LETM1: variants seen among roughly 807,000 people sequenced by gnomAD.
The protein encoded by LETM1 is leucine zipper and EF-hand containing transmembrane protein 1.
In LETM1, 50 loss-of-function variants were observed where a neutral mutation model predicts 74.5. The ratio of observed to expected loss-of-function variants is 0.67; its 90% CI spans 0.53 to 0.85. LETM1 has a LOEUF of 0.85. Ranked by LOEUF, LETM1 falls within the 40% of genes least tolerant of loss-of-function variation. The pLI is 0.00. For missense variants in LETM1, 824 were observed against 967.8 expected, an observed-to-expected ratio of 0.85 and a Z score of 1.97; for synonymous variants, 446 against 407.1, an observed-to-expected ratio of 1.10 and a Z score of -1.15.
intron 2 of LETM1, among the ~76,000 whole-genome samples, chr4:1,843,878 G>GC (rs1292278618): frequency 6.6e-6 from 1 of 152,184 alleles, no homozygotes; most frequent in Non-Finnish European, 1.5e-5. Flanking sequence ...ATGCAGCAGA[G>GC]CCCACGCAGG....
At chr4:1,842,162 C>T (rs988349694) in intron 2 of LETM1, among the ~76,000 whole-genome samples, 1 of 152,122 alleles carries the variant, frequency 6.6e-6, no homozygotes, top group Non-Finnish European at 1.5e-5. Flanking sequence ...TTTGGCACTT[C>T]GTGGGGGAAT....
chr4:1,830,810 G>A (rs746117061), intron 6 of LETM1, among the ~76,000 whole-genome samples: 10 of 152,106 alleles, frequency 6.6e-5, no homozygotes, highest in Non-Finnish European at 1.0e-4. Flanking sequence ...GGTACCAGGC[G>A]TTGCTTTTTC....
chr4:1,842,035 G>A (rs993995717), intron 2 of LETM1, among the ~76,000 whole-genome samples: 14 of 152,136 alleles, frequency 9.2e-5, no homozygotes, highest in African/African-American at 2.7e-4. Context: ...GAGCATGGGC[G>A]GGCGATCCCC....
chr4:1,814,297 G>A lies in LETM1; in HGVS notation c.*127C>T. 1 of 1,380,106 alleles carries A rather than the reference G, an allele frequency of 7.2e-7. No homozygotes were observed. The highest frequency in any genetic ancestry group is 1.0e-6 in the Non-Finnish European group (1 of 999,226). The allele number at this position is 1,380,106 out of a possible 1,614,324, so 85.5% of individuals were successfully genotyped here. A position where few individuals can be genotyped will look rare whatever the true frequency, so the allele number is the denominator to read the frequency against. ...TGAAAATTAAAATTTACTTGATTAT[G>A]GAAGTCTCTGATTTATTCCAGCCAA... On this transcript the variant is annotated 3_prime_UTR_variant, in exon 14 of 14. Transcript: ENST00000302787.
chr4:1,848,671 G>A (rs1712964224), intron 2 of LETM1, among the ~76,000 whole-genome samples: 1 of 141,036 alleles, frequency 7.1e-6, no homozygotes, highest in Non-Finnish European at 1.5e-5. Context: ...AGCCAAGCAT[G>A]TGCCACTGCA....
intron 11 of LETM1, among the ~76,000 whole-genome samples, chr4:1,817,548 G>A (rs895410754): frequency 2.0e-5 from 3 of 152,062 alleles, no homozygotes; most frequent in Non-Finnish European, 2.9e-5. Context: ...GTGACAGAGC[G>A]AGACCCTATC....
chr4:1,853,429 T>A (rs1200155256), intron 1 of LETM1, among the ~76,000 whole-genome samples: 1 of 152,230 alleles, frequency 6.6e-6, no homozygotes, highest in Non-Finnish European at 1.5e-5. Context: ...GCATGGAGCC[T>A]CGGCGGGATA....
chr4:1,855,352 C>T (rs917656116), intron 1 of LETM1, among the ~76,000 whole-genome samples: 1 of 152,208 alleles, frequency 6.6e-6, no homozygotes, highest in Non-Finnish European at 1.5e-5. Context: ...CTCCGGAGTC[C>T]CCGTGTTCCC....
rs375528903 is a variant in LETM1, at chr4:1,832,895, T to C, written c.929A>G (p.Lys310Arg). 1.2e-6 allele frequency: 2 copies of C among 1,613,164 alleles called. No individual in the cohort carries two copies. Among genetic ancestry groups the C allele is most frequent in the African/African-American group, 1.3e-5 (1 of 74,876 alleles). Residue 310 changes from lysine to arginine, a missense_variant, in exon 6 of 14, where the codon AAA (lysine) becomes AGA (arginine). Around this residue, in one of 4 missense-constraint regions of LETM1, gnomAD observed 269 missense variants for 348.8 expected, o/e 0.77. Coordinates refer to ENST00000302787, the MANE Select transcript of LETM1 (RefSeq NM_012318.3). ...CAGGGTCAGCTCATCCTCAAATAAT[T>C]TGGAAAAACGCATGATTTCCTCATT... is the stretch of plus-strand genomic sequence containing the variant. ...PSNEEIMRFS[K>R]LFEDELTLDN...
At chr4:1,846,942 G>A (rs972776032) in intron 2 of LETM1, among the ~76,000 whole-genome samples, 6 of 152,130 alleles carry the variant, frequency 3.9e-5, no homozygotes, top group African/African-American at 1.2e-4. Flanking sequence ...AGCAACTTAC[G>A]GGACAGCAAT....
At chr4:1,837,253 G>A (rs967676459) in intron 3 of LETM1, among the ~76,000 whole-genome samples, 3 of 152,102 alleles carry the variant, frequency 2.0e-5, no homozygotes, top group African/African-American at 4.8e-5. Flanking sequence ...ACAAGTGAGC[G>A]TTCCCAGGGA....
chr4:1,815,832 G>A (rs764568145), intron 12 of LETM1, 30 bp from the exon 13 acceptor site: 14 of 1,609,068 alleles, frequency 8.7e-6, no homozygotes, highest in Non-Finnish European at 9.3e-6. Context: ...ATGTGGCCAC[G>A]GGCAGGCGTC....
chr4:1,823,961 T>C (rs1366661218), intron 7 of LETM1, among the ~76,000 whole-genome samples, 186 bp from the exon 8 acceptor site: 1 of 152,130 alleles, frequency 6.6e-6, no homozygotes, highest in African/African-American at 2.4e-5. Flanking sequence ...CAGAGAGGCT[T>C]GGGGGTCAGC....
intron 6 of LETM1, among the ~76,000 whole-genome samples, chr4:1,828,506 TGA>T (rs1712106022): frequency 3.0e-5 from 1 of 33,216 alleles, no homozygotes; most frequent in Non-Finnish European, 5.9e-5. Flanking sequence ...GCAGGGGGGC[TGA>T]CCCCCCCCCC....
At chr4:1,850,879 T>C (rs553934646) in intron 1 of LETM1, among the ~76,000 whole-genome samples, 1 of 140,362 alleles carries the variant, frequency 7.1e-6, no homozygotes, top group East Asian at 2.1e-4. Context: ...GGCAGGATAA[T>C]CACCTGAACC....
At chr4:1,814,661 A>T in intron 13 of LETM1, 88 bp from the exon 14 acceptor site, 1 of 1,167,988 alleles carries the variant, frequency 8.6e-7, no homozygotes, top group Non-Finnish European at 1.3e-6. Flanking sequence ...CAGTCGCCCC[A>T]GCTGGGGTGG....
rs201582550 is a variant in LETM1, at chr4:1,816,707, G to A, written c.1931+20C>T. ...TATGTGAGTCTCCGATCCCTCTCCC[G>A]CGCCCACCACCCCACTCACCCCGTG... On this transcript the variant is annotated intron_variant, in intron 12 of 13. Transcript: ENST00000302787. 2.5e-4 allele frequency: 397 copies of A among 1,607,826 alleles called. No homozygotes were observed. In the East Asian group the frequency reaches 5.2e-3, roughly 21 times the overall value.
At chr4:1,830,249 A>G in intron 6 of LETM1, among the ~76,000 whole-genome samples, 1 of 152,276 alleles carries the variant, frequency 6.6e-6, no homozygotes, top group East Asian at 1.9e-4. Context: ...TCTGTCTTTT[A>G]TCTTATCCAT....
At chr4:1,854,745 A>T (rs1429576650) in intron 1 of LETM1, among the ~76,000 whole-genome samples, 1 of 152,170 alleles carries the variant, frequency 6.6e-6, no homozygotes, top group East Asian at 1.9e-4. Context: ...GTGAGCCAAG[A>T]TCACACCACT....
Sources: gnomAD v4.1 joint callset for allele counts (sites outside exome capture counted in the v4.1 genomes callset) on GRCh38, gnomAD v4.1.1 for gene constraint, gnomAD v4.1.1 regional missense constraint, MANE v1.5 for transcripts, NCBI Gene and HGNC (gene_info 2026-07-23, HGNC 2026-07-21) for gene names.